Variants in SUGCT observed in about 807,000 individuals in gnomAD.
SUGCT encodes the protein succinyl-CoA:glutarate CoA-transferase.
In SUGCT, 41 loss-of-function variants were observed where a neutral mutation model predicts 55.0. That is an observed-to-expected ratio of 0.74 (90% CI 0.58 to 0.97). The LOEUF (loss-of-function observed/expected upper bound fraction) is 0.97, where lower values mean the gene tolerates loss of function less well. Among genes scored for constraint, SUGCT ranks in the 50% least tolerant of loss-of-function variants. The probability of loss-of-function intolerance (pLI) is 0.00; values close to 1 mark genes in which losing one functional copy is unlikely to be tolerated. For missense variants in SUGCT, 568 were observed against 547.8 expected (o/e 1.04, Z -0.37); for synonymous variants, 187 against 200.4 (o/e 0.93, Z 0.56).
chr7:40,218,819 GTCAGCACTGTCTAAAATGGACCAA>G (rs1195955413), intron 6 of SUGCT, among the ~76,000 whole-genome samples: 5 of 152,136 alleles, frequency 3.3e-5, no homozygotes, highest in African/African-American at 1.2e-4. Flanking sequence ...AAATGGACCA[GTCAGCACTGTCTAAAATGGACCAA>G]TCAGCACTCT....
At chr7:40,613,412 C>A (rs79548091) in intron 12 of SUGCT, among the ~76,000 whole-genome samples, 1 of 152,276 alleles carries the variant, frequency 6.6e-6, no homozygotes, top group African/African-American at 2.4e-5. Flanking sequence ...TTAGACTTCA[C>A]TTAGCTCCAT....
intron 13 of SUGCT, among the ~76,000 whole-genome samples, chr7:40,802,911 C>G (rs946028044): frequency 1.3e-5 from 2 of 152,090 alleles, no homozygotes; most frequent in Non-Finnish European, 2.9e-5. Flanking sequence ...ACCGTTTGTT[C>G]CATTTTCTAT....
chr7:40,204,483 T>A (rs1353012917), intron 6 of SUGCT, among the ~76,000 whole-genome samples: 1 of 151,964 alleles, frequency 6.6e-6, no homozygotes, highest in African/African-American at 2.4e-5. Context: ...TTTCTATTTT[T>A]AGTAGAGACA....
chr7:40,506,528 G>A (rs941011882), intron 12 of SUGCT, among the ~76,000 whole-genome samples: 3 of 152,050 alleles, frequency 2.0e-5, no homozygotes, highest in Non-Finnish European at 2.9e-5. Context: ...CTTCTTGGAC[G>A]TATTGTTTAT....
chr7:40,215,971 A>G (rs1461887228), intron 6 of SUGCT, among the ~76,000 whole-genome samples: 1 of 152,154 alleles, frequency 6.6e-6, no homozygotes, highest in Admixed American at 6.5e-5. Context: ...TTGTTTCTCT[A>G]TTGGTAAGTA....
At chr7:40,494,310 G>T (rs191292531) in intron 11 of SUGCT, among the ~76,000 whole-genome samples, 2 of 152,256 alleles carry the variant, frequency 1.3e-5, no homozygotes, top group Admixed American at 6.5e-5. Flanking sequence ...CGAAAAGGCT[G>T]CAGGTTCAAA....
chr7:40,405,596 G>A (rs1258472856), intron 9 of SUGCT, among the ~76,000 whole-genome samples: 1 of 152,072 alleles, frequency 6.6e-6, no homozygotes, highest in Non-Finnish European at 1.5e-5. Flanking sequence ...GATCACTTGA[G>A]GCCAGGTGTT....
intron 12 of SUGCT, among the ~76,000 whole-genome samples, chr7:40,706,553 G>A (rs894653976): frequency 6.6e-6 from 1 of 152,162 alleles, no homozygotes; most frequent in Non-Finnish European, 1.5e-5. Flanking sequence ...TCGAATTTGG[G>A]AAATGTGGTC....
chr7:40,662,299 G>C (rs1453784441), intron 12 of SUGCT, among the ~76,000 whole-genome samples: 2 of 152,180 alleles, frequency 1.3e-5, no homozygotes, highest in African/African-American at 2.4e-5. Context: ...TCTACTTCAA[G>C]AGCCACCTCA....
intron 12 of SUGCT, among the ~76,000 whole-genome samples, chr7:40,511,776 A>G (rs184839806): frequency 6.6e-6 from 1 of 152,330 alleles, no homozygotes; most frequent in East Asian, 1.9e-4. Flanking sequence ...TATATATGCC[A>G]TGGTTTTCAT....
chr7:40,271,861 C>CCAG (rs1792042110), intron 7 of SUGCT, among the ~76,000 whole-genome samples: 1 of 151,864 alleles, frequency 6.6e-6, no homozygotes, highest in African/African-American at 2.4e-5. Context: ...CCTCTGGTAA[C>CCAG]CAGCAGTCTG....
At chr7:40,324,745 G>A (rs531601768) in intron 9 of SUGCT, among the ~76,000 whole-genome samples, 11 of 152,152 alleles carry the variant, frequency 7.2e-5, no homozygotes, top group Non-Finnish European at 1.3e-4. Flanking sequence ...AGACCAATGG[G>A]AGACCCCAGG....
At chr7:40,790,086 G>A (rs1418290497) in intron 13 of SUGCT, among the ~76,000 whole-genome samples, 4 of 152,124 alleles carry the variant, frequency 2.6e-5, no homozygotes, top group Non-Finnish European at 4.4e-5. Context: ...GTAAAACTTC[G>A]ACATGGTTTG....
intron 12 of SUGCT, among the ~76,000 whole-genome samples, chr7:40,682,032 C>G (rs915721287): frequency 8.5e-5 from 13 of 152,188 alleles, no homozygotes; most frequent in African/African-American, 3.1e-4. Context: ...TGACTAACTT[C>G]CTTGGCTGTT....
rs147276982 is a variant in SUGCT at position 40,610,058 on chromosome 7, C to A, written c.1089+113672C>A. On this transcript the variant is annotated intron_variant, in intron 12 of 13. Transcript: ENST00000335693. ...CAAATAATAATAATAACAATTATTTCTTTTGGTTTAAAATGGAAACACTGA... is the reference window on the plus strand; with the variant it reads ...CAAATAATAATAATAACAATTATTTATTTTGGTTTAAAATGGAAACACTGA... Among the ~76,000 whole-genome samples, 380 of 152,188 alleles carry A rather than the reference C, an allele frequency of 2.5e-3. 1 individual carries two copies. Among genetic ancestry groups the A allele is most frequent in the African/African-American group, 8.3e-3 (346 of 41,524 alleles).
chr7:40,866,034 A>G, the SUGCT span, among the ~76,000 whole-genome samples: 1 of 152,144 alleles, frequency 6.6e-6, no homozygotes, highest in African/African-American at 2.4e-5. Context: ...GATTGGGGGA[A>G]CAGTGTTTTC....
chr7:41,006,318 G>A, the SUGCT span, among the ~76,000 whole-genome samples: 1 of 152,218 alleles, frequency 6.6e-6, no homozygotes, highest in Non-Finnish European at 1.5e-5. Context: ...CTCAACCAGG[G>A]GCTGGACTCC....
the SUGCT span, among the ~76,000 whole-genome samples, chr7:40,964,410 A>C: frequency 0.016 from 2,374 of 152,298 alleles, 60 homozygotes; most frequent in African/African-American, 0.052. Context: ...GAATGTATTG[A>C]TCAGCAAGAG....
chr7:40,394,471 A>AT (rs1785610680), intron 9 of SUGCT, among the ~76,000 whole-genome samples: 1 of 152,230 alleles, frequency 6.6e-6, no homozygotes, highest in South Asian at 2.1e-4. Flanking sequence ...TTATGACTTA[A>AT]TTGACAAACA....
Sources: gnomAD v4.1 joint callset for allele counts (sites outside exome capture counted in the v4.1 genomes callset) on GRCh38, gnomAD v4.1.1 for gene constraint, MANE v1.5 for transcripts, NCBI Gene and HGNC (gene_info 2026-07-23, HGNC 2026-07-21) for gene names.